Variants in MMP21 observed in about 807,000 individuals in gnomAD.
The protein encoded by MMP21 is matrix metallopeptidase 21.
In MMP21, 40 loss-of-function variants were observed where a neutral mutation model predicts 47.8. The ratio of observed to expected loss-of-function variants is 0.84; its 90% CI spans 0.65 to 1.09. The LOEUF is 1.09. MMP21 is among the 50% of genes least tolerant of loss of function. The probability of loss-of-function intolerance (pLI) is 0.00; values close to 1 mark genes in which losing one functional copy is unlikely to be tolerated. For missense variants in MMP21, 747 were observed against 775.3 expected (o/e 0.96, Z 0.43); for synonymous variants, 341 against 318.0 (o/e 1.07, Z -0.77).
Position 125,774,082 on chromosome 10 carries a change from G to A in MMP21, c.446C>T (p.Pro149Leu), listed in dbSNP as rs780277133. The A allele has an allele frequency of 1.7e-5, 24 of 1,384,540 alleles. No homozygotes were observed. The South Asian group carries it at 3.6e-4, about 21-fold the overall frequency. 85.8% of individuals were successfully genotyped at this position (1,384,540 alleles called of 1,614,324 possible). The change falls in exon 2 of 7, where the codon CCG becomes CTG. Residue 149 changes from proline (P) to leucine (L), a missense_variant. By Grantham distance (98) the Pro-to-Leu change is moderately conservative. Coordinates refer to ENST00000368808, the MANE Select transcript of MMP21 (RefSeq NM_147191.1). Reference sequence around the variant, plus strand: ...CCAACCCCGCCGGGACAAGGACAGCGGCGCCCGCGGGGAGCGCCTGGAGCG... The same window carrying A: ...CCAACCCCGCCGGGACAAGGACAGCAGCGCCCGCGGGGAGCGCCTGGAGCG... Reference protein sequence around the residue: ...RARSRRSPRAPLSLSRRGWQP... With the variant: ...RARSRRSPRALLSLSRRGWQP...
chr10:125,768,407 G>T (rs559924985), intron 5 of MMP21, among the ~76,000 whole-genome samples: 2 of 152,296 alleles, frequency 1.3e-5, no homozygotes, highest in South Asian at 4.1e-4. Context: ...TCAGAGTTCA[G>T]ATGCTCATTT....
chr10:125,769,602 C>A (rs1344216658), intron 5 of MMP21, among the ~76,000 whole-genome samples: 1 of 152,224 alleles, frequency 6.6e-6, no homozygotes, highest in Non-Finnish European at 1.5e-5. Context: ...CCAGATCCCA[C>A]CCATCCTTGA....
intron 5 of MMP21, among the ~76,000 whole-genome samples, chr10:125,768,487 C>T (rs189567924): frequency 2.0e-5 from 3 of 152,232 alleles, no homozygotes; most frequent in Admixed American, 6.5e-5. Context: ...TATTTGGCAT[C>T]TTGCCAACAG....
In MMP21 at chr10:125,770,698, A is replaced by T. The variant is rs974661188; in HGVS notation, c.980-107T>A. 5.5e-6 allele frequency: 7 copies of T among 1,274,028 alleles called. No homozygotes were observed. The African/African-American group carries it at 1.0e-4, about 19-fold the overall frequency. 78.9% of individuals were successfully genotyped at this position (1,274,028 alleles called of 1,614,324 possible). A position where few individuals can be genotyped will look rare whatever the true frequency, so the allele number is the denominator to read the frequency against. On this transcript the variant is annotated intron_variant, in intron 4 of 6. Coordinates refer to ENST00000368808, the MANE Select transcript of MMP21 (RefSeq NM_147191.1). ...CAGTTGCAAAGCTGGGGCTTTCTAT[A>T]AAAACACCTTAAAGCAAGACACCAT...
rs745581685 is a variant in MMP21 at position 125,766,652 on chromosome 10, C to CT, written c.*9dup. 1.9e-6 allele frequency: 3 copies of CT among 1,574,578 alleles called. No individual in the cohort carries two copies. In the Admixed American group the frequency reaches 5.9e-5, roughly 31 times the overall value. ...AAGTCCTATGACCCTCCATTTCCTA[C>CT]TTTTTCTTATTACATGTTCAGTGTG... is the stretch of plus-strand genomic sequence containing the variant. On this transcript the variant is annotated 3_prime_UTR_variant, in exon 7 of 7. Transcript: ENST00000368808.
Position 125,770,397 on chromosome 10 carries a change from G to C in MMP21, c.1174C>G (p.His392Asp), listed in dbSNP as rs564984415. The C allele has an allele frequency of 6.8e-6, 11 of 1,614,200 alleles. No individual in the cohort carries two copies. The South Asian group carries it at 9.9e-5, about 15-fold the overall frequency. The change falls in exon 5 of 7, where the codon CAC (histidine) becomes GAC (aspartate). Residue 392 changes from histidine to aspartate, a missense_variant. Coordinates refer to ENST00000368808, the MANE Select transcript of MMP21 (RefSeq NM_147191.1). The stretch of plus-strand genomic sequence containing the variant: ...ATGTGAACAAAGGCATCTATGTTGT[G>C]TGTTGGGATTCCAGGCCAGCCAGTG... ...ILTGWPGIPTHNIDAFVHIWT... is the reference protein window; with the variant it reads ...ILTGWPGIPTDNIDAFVHIWT...
At position 125,772,089 on chromosome 10, in the gene MMP21, G is replaced by T; in HGVS notation, c.979+129C>A. The T allele has an allele frequency of 8.7e-7, 1 of 1,150,514 alleles. No individual in the cohort carries two copies. Among genetic ancestry groups the T allele is most frequent in the South Asian group, 1.5e-5 (1 of 67,588 alleles). 71.3% of individuals were successfully genotyped at this position (1,150,514 alleles called of 1,614,324 possible). ...AGGGAGCTAGAGGGTGGCTACCCTTGGGTGACATGAGTTGTACAACGTTGC... is the reference window on the plus strand; with the variant it reads ...AGGGAGCTAGAGGGTGGCTACCCTTTGGTGACATGAGTTGTACAACGTTGC... On this transcript the variant is annotated intron_variant, in intron 4 of 6. Coordinates refer to ENST00000368808, the MANE Select transcript of MMP21 (RefSeq NM_147191.1). This position sits in a 1 kb window ranked among gnomAD's most constrained non-coding sequence, Gnocchi z 5.6.
rs529669260 is a variant in MMP21 at position 125,772,887 on chromosome 10, A to G, written c.698-137T>C. On this transcript the variant is annotated intron_variant, in intron 2 of 6. Coordinates refer to ENST00000368808, the MANE Select transcript of MMP21 (RefSeq NM_147191.1). This position sits in a 1 kb window ranked among gnomAD's most constrained non-coding sequence, Gnocchi z 5.6. Reference sequence around the variant, plus strand: ...TGGCAGCTCCTGGATTAAGTCCTCAATGTGCGGAGGGTGGGAGACGGTTTG... The same window carrying G: ...TGGCAGCTCCTGGATTAAGTCCTCAGTGTGCGGAGGGTGGGAGACGGTTTG... 67 of 899,758 alleles carry G rather than the reference A, an allele frequency of 7.4e-5. 2 individuals carry two copies. The South Asian group carries it at 8.4e-4, about 11-fold the overall frequency. 55.7% of individuals were successfully genotyped at this position (899,758 alleles called of 1,614,324 possible).
chr10:125,775,010 T>C (rs1182730122), intron 1 of MMP21, among the ~76,000 whole-genome samples: 1 of 152,142 alleles, frequency 6.6e-6, no homozygotes, highest in Non-Finnish European at 1.5e-5. Flanking sequence ...GCTCTCCTGC[T>C]CCCTGCCCTG....
Position 125,766,809 on chromosome 10 carries a change from G to A in MMP21, c.1563C>T (p.Phe521=), listed in dbSNP as rs771644077. ...CTACCTTCCAGTATGCATTGCCTTT[G>A]AAAAAGAAAATGGAGTTGTATGCAT... is the stretch of plus-strand genomic sequence containing the variant. The part of the protein sequence containing the change: ...YSYAYNSIFF[F]KGNAYWKVVN... Residue 521 remains phenylalanine, a synonymous_variant, in exon 7 of 7, where the codon TTC becomes TTT. Coordinates refer to ENST00000368808, the MANE Select transcript of MMP21 (RefSeq NM_147191.1). 1 of 1,613,884 alleles carries A rather than the reference G, an allele frequency of 6.2e-7. No homozygotes were observed. The highest frequency in any genetic ancestry group is 2.2e-5 in the East Asian group (1 of 44,842).
rs1325361877 is a variant in MMP21, at chr10:125,770,364, A to G, written c.1207T>C (p.Trp403Arg). Reference sequence around the variant, plus strand: ...AAAAAATAACGTTCATCTCTTTTCCATGTCCAGATGTGAACAAAGGCATCT... The same window carrying G: ...AAAAAATAACGTTCATCTCTTTTCCGTGTCCAGATGTGAACAAAGGCATCT... ...NIDAFVHIWTWKRDERYFFQG... is the reference protein window; with the variant it reads ...NIDAFVHIWTRKRDERYFFQG... Residue 403 changes from tryptophan to arginine, a missense_variant, in exon 5 of 7, where the codon TGG becomes CGG. Trp to Arg is a moderately radical substitution (Grantham distance 101). Transcript: ENST00000368808. 3 of 1,614,190 alleles carry G rather than the reference A, an allele frequency of 1.9e-6. No homozygotes were observed. The highest frequency in any genetic ancestry group is 2.5e-6 in the Non-Finnish European group (3 of 1,180,020).
Position 125,774,319 on chromosome 10 carries a change from C to T in MMP21, c.209G>A (p.Gly70Glu). The change falls in exon 2 of 7, where the codon GGG (glycine) becomes GAG (glutamate). Residue 70 changes from glycine to glutamate, a missense_variant. Gly to Glu is a moderately conservative substitution (Grantham distance 98). Coordinates refer to ENST00000368808, the MANE Select transcript of MMP21 (RefSeq NM_147191.1). The part of the protein sequence containing the change: ...YGWSGVWAAW[G>E]PSPEGPPETP... ...CTCCGGCGGCCCCTCGGGACTGGGC[C>T]CCCAGGCCGCCCACACCCCTGACCA... 7.1e-7 allele frequency: 1 copy of T among 1,411,994 alleles called. No individual in the cohort carries two copies. The highest frequency in any genetic ancestry group is 1.5e-5 in the African/African-American group (1 of 66,152). The allele number at this position is 1,411,994 out of a possible 1,614,324, so 87.5% of individuals were successfully genotyped here. A position where few individuals can be genotyped will look rare whatever the true frequency, so the allele number is the denominator to read the frequency against.
Position 125,772,513 on chromosome 10 carries a change from A to T in MMP21, c.837+98T>A. On this transcript the variant is annotated intron_variant, in intron 3 of 6. Coordinates refer to ENST00000368808, the MANE Select transcript of MMP21 (RefSeq NM_147191.1). The surrounding 1 kb of genome is among the most constrained non-coding windows in gnomAD (Gnocchi z 5.6). ...CCATTCCACGGATTCACCTCCTCAG[A>T]GGTTGCGGACACTACATGAGAAAAG... is the stretch of plus-strand genomic sequence containing the variant. 6.3e-7 allele frequency: 1 copy of T among 1,587,182 alleles called. No homozygotes were observed. Among genetic ancestry groups the T allele is most frequent in the Middle Eastern group, 1.7e-4 (1 of 5,814 alleles).
At chr10:125,775,596 C>T (rs1564764059) in intron 1 of MMP21, 64 bp downstream of exon 1, 3 of 1,499,498 alleles carry the variant, frequency 2.0e-6, no homozygotes, top group African/African-American at 2.8e-5. Context: ...TGCGCGCGTG[C>T]GCATGTGCCT....
chr10:125,775,119 G>A (rs1202805470), intron 1 of MMP21, among the ~76,000 whole-genome samples: 1 of 152,160 alleles, frequency 6.6e-6, no homozygotes, highest in Non-Finnish European at 1.5e-5. Flanking sequence ...GCAGGTGAAG[G>A]GGCCTCATGG....
At chr10:125,769,091 G>C (rs28381310) in intron 5 of MMP21, among the ~76,000 whole-genome samples, 3 of 152,194 alleles carry the variant, frequency 2.0e-5, no homozygotes, top group Admixed American at 2.0e-4. Flanking sequence ...GGGTAGGAAA[G>C]GGGAAGGAAA....
At chr10:125,769,843 A>G (rs1850426613) in intron 5 of MMP21, among the ~76,000 whole-genome samples, 1 of 152,146 alleles carries the variant, frequency 6.6e-6, no homozygotes, top group Non-Finnish European at 1.5e-5. Context: ...TCGGTGACTT[A>G]GTGCCGTCTT....
chr10:125,774,160 C>T lies in MMP21; in HGVS notation c.368G>A (p.Arg123His). ...AGGCGGGGCGGAGGGGGGCGGTGGG[C>T]GCATGTCCGGGACCCCGCAGCGCGG... The part of the protein sequence containing the change: ...NRPRCGVPDM[R>H]PPPPSAPPSP... The change falls in exon 2 of 7, where the codon CGC becomes CAC. Residue 123 changes from arginine (R) to histidine (H), a missense_variant. Arg to His is a conservative substitution (Grantham distance 29, BLOSUM62 0). Coordinates refer to ENST00000368808, the MANE Select transcript of MMP21 (RefSeq NM_147191.1). 1 of 1,274,460 alleles carries T rather than the reference C, an allele frequency of 7.8e-7. No homozygotes were observed. The highest frequency in any genetic ancestry group is 3.3e-5 in the East Asian group (1 of 30,168). 78.9% of individuals were successfully genotyped at this position (1,274,460 alleles called of 1,614,324 possible). A position where few individuals can be genotyped will look rare whatever the true frequency, so the allele number is the denominator to read the frequency against.
At chr10:125,767,163 C>T (rs1437628302) in intron 6 of MMP21, among the ~76,000 whole-genome samples, 1 of 151,854 alleles carries the variant, frequency 6.6e-6, no homozygotes, top group Non-Finnish European at 1.5e-5. Flanking sequence ...CCCGGTCTCA[C>T]TCTTGCCCAG....
Sources: gnomAD v4.1 joint callset for allele counts (sites outside exome capture counted in the v4.1 genomes callset) on GRCh38, gnomAD v4.1.1 for gene constraint, Gnocchi (gnomAD v3.1) non-coding constraint, MANE v1.5 for transcripts, NCBI Gene and HGNC (gene_info 2026-07-23, HGNC 2026-07-21) for gene names.